The following RPAP2 variants were observed in gnomAD, a reference collection of about 807,000 sequenced individuals.
The protein encoded by RPAP2 is putative RNA polymerase II subunit B1 CTD phosphatase RPAP2.
In RPAP2, 52 loss-of-function variants were observed where a neutral mutation model predicts 73.1. The observed-to-expected ratio is 0.71, with a 90% CI of 0.57 to 0.90. The LOEUF (loss-of-function observed/expected upper bound fraction) is 0.90. Among genes scored for constraint, RPAP2 ranks in the 40% least tolerant of loss-of-function variants. The pLI, the probability that RPAP2 is intolerant of heterozygous loss-of-function variation, is 0.00. For synonymous variants in RPAP2, 225 were observed against 242.1 expected (o/e 0.93, Z 0.65); for missense variants, 598 against 701.8 (o/e 0.85, Z 1.67).
intron 5 of RPAP2, among the ~76,000 whole-genome samples, chr1:92,306,805 A>C (rs1464759547): frequency 6.6e-6 from 1 of 152,218 alleles, no homozygotes; most frequent in Non-Finnish European, 1.5e-5. Flanking sequence ...GTCCCTAAAA[A>C]AAATAAAATT....
At chr1:92,301,691 TGA>T (rs1650869022) in intron 3 of RPAP2, 101 bp downstream of exon 3, 1 of 483,508 alleles carries the variant, frequency 2.1e-6, no homozygotes, top group East Asian at 3.5e-5. Context: ...GAATTTGTTC[TGA>T]GTCATTAGAT....
chr1:92,306,643 A>C (rs1651256576), intron 5 of RPAP2, among the ~76,000 whole-genome samples: 1 of 152,032 alleles, frequency 6.6e-6, no homozygotes, highest in East Asian at 1.9e-4. Flanking sequence ...GAGAAGATAG[A>C]GACCAGCCTG....
chr1:92,355,773 G>A (rs1557621366), intron 11 of RPAP2, among the ~76,000 whole-genome samples: 1 of 152,154 alleles, frequency 6.6e-6, no homozygotes, highest in African/African-American at 2.4e-5. Context: ...AATACTCATT[G>A]GAGTGTTTCA....
chr1:92,323,724 A>T lies in RPAP2; in HGVS notation c.804A>T (p.Val268=). Residue 268 remains valine (V), a synonymous_variant, in exon 8 of 13, where the codon GTA becomes GTT. Transcript: ENST00000610020. ...SKHKDKEQTV[V]DVTEQLGDCK... is the part of the protein sequence containing the mutation. ...ACAAAGACAAAGAACAGACAGTAGT[A>T]GATGTCACTGAGCAGTTAGGCGATT... is the stretch of plus-strand genomic sequence containing the variant. 1 of 1,614,202 alleles carries T rather than the reference A, an allele frequency of 6.2e-7. No individual in the cohort carries two copies. Among genetic ancestry groups the T allele is most frequent in the Non-Finnish European group, 8.5e-7 (1 of 1,180,014 alleles).
intron 8 of RPAP2, among the ~76,000 whole-genome samples, chr1:92,332,716 G>T (rs1215062737): frequency 6.6e-6 from 1 of 152,042 alleles, no homozygotes; most frequent in African/African-American, 2.4e-5. Context: ...CCAAGTCCTG[G>T]TCTCATACTT....
chr1:92,306,329 C>G (rs1422909627), intron 5 of RPAP2, among the ~76,000 whole-genome samples: 3 of 152,054 alleles, frequency 2.0e-5, no homozygotes, highest in African/African-American at 7.3e-5. Flanking sequence ...TACCACTGTG[C>G]TATATACTTA....
rs768238914 is a variant in RPAP2, at chr1:92,398,563, A to T, written c.*11552A>T. 1 of 152,222 alleles carries T rather than the reference A, an allele frequency of 6.6e-6. No individual in the cohort carries two copies. The highest frequency in any genetic ancestry group is 1.5e-5 in the Non-Finnish European group (1 of 68,052). 9.4% of individuals were successfully genotyped at this position (152,222 alleles called of 1,614,324 possible). The stretch of plus-strand genomic sequence containing the variant: ...AGCCCTTCGTAGAAAAAGAAAAGTA[A>T]GCATTTCTAGAAGCACATTTTTGTT... On this transcript the variant is annotated 3_prime_UTR_variant, in exon 13 of 13. Coordinates refer to ENST00000610020, the MANE Select transcript of RPAP2 (RefSeq NM_024813.3).
intron 8 of RPAP2, among the ~76,000 whole-genome samples, chr1:92,325,788 AT>A (rs1035766586): frequency 2.0e-5 from 3 of 151,444 alleles, no homozygotes; most frequent in Admixed American, 6.6e-5. Context: ...TAGTTCTGTC[AT>A]TTTTTTTCCA....
At position 92,392,992 on chromosome 1, in the gene RPAP2, T is replaced by G. The variant is rs1324899608; in HGVS notation, c.*5981T>G. On this transcript the variant is annotated 3_prime_UTR_variant, in exon 13 of 13. Coordinates refer to ENST00000610020, the MANE Select transcript of RPAP2 (RefSeq NM_024813.3). ...TTGGAAAAAACTACTTTAAGATTCA[T>G]ATGGAACCAAAAAAGAGCCCACCTA... 1 of 152,166 alleles carries G rather than the reference T, an allele frequency of 6.6e-6. No homozygotes were observed. Among genetic ancestry groups the G allele is most frequent in the Non-Finnish European group, 1.5e-5 (1 of 68,028 alleles). The allele number at this position is 152,166 out of a possible 1,614,324, so 9.4% of individuals were successfully genotyped here. A position where few individuals can be genotyped will look rare whatever the true frequency, so the allele number is the denominator to read the frequency against.
At chr1:92,305,397 C>T (rs1410545414) in intron 5 of RPAP2, among the ~76,000 whole-genome samples, 3 of 116,850 alleles carry the variant, frequency 2.6e-5, no homozygotes, top group African/African-American at 1.1e-4. Flanking sequence ...CGCACCACTG[C>T]ATTCCAGCCG....
chr1:92,395,072 C>A lies in RPAP2; in HGVS notation c.*8061C>A, dbSNP rs1656151891. The A allele has an allele frequency of 6.6e-6, 1 of 152,114 alleles. No individual in the cohort carries two copies. Among genetic ancestry groups the A allele is most frequent in the Non-Finnish European group, 1.5e-5 (1 of 68,022 alleles). The allele number at this position is 152,114 out of a possible 1,614,324, so 9.4% of individuals were successfully genotyped here. On this transcript the variant is annotated 3_prime_UTR_variant, in exon 13 of 13. Transcript: ENST00000610020. The stretch of plus-strand genomic sequence containing the variant: ...TATGGAGAAAAGATGGTCTTTTCAA[C>A]AAATAGTGCTAGGATATTTGGATAT...
At chr1:92,386,588 A>G (rs1164236963) in intron 12 of RPAP2, among the ~76,000 whole-genome samples, 1 of 152,248 alleles carries the variant, frequency 6.6e-6, no homozygotes, top group Non-Finnish European at 1.5e-5. Flanking sequence ...TACTCCACCC[A>G]AACTGTTGTT....
intron 10 of RPAP2, among the ~76,000 whole-genome samples, chr1:92,345,379 TAAAAAA>T (rs57025975): frequency 1.4e-5 from 1 of 73,770 alleles, no homozygotes; most frequent in Non-Finnish European, 2.6e-5. Context: ...CCCGTTTCTT[TAAAAAA>T]AAAAAAAAAA....
At position 92,308,691 on chromosome 1, in the gene RPAP2, G is replaced by C. The variant is rs572516753; in HGVS notation, c.488+1415G>C. On this transcript the variant is annotated intron_variant, in intron 6 of 12. Coordinates refer to ENST00000610020, the MANE Select transcript of RPAP2 (RefSeq NM_024813.3). The stretch of plus-strand genomic sequence containing the variant: ...AACAAATCTTCCAGCCTGGTGTAGT[G>C]GCTCATGCCTATAATCCCAACACTT... 3.3e-5 allele frequency among the ~76,000 whole-genome samples: 5 copies of C among 152,310 alleles called. No individual in the cohort carries two copies. In the East Asian group the frequency reaches 9.6e-4, roughly 29 times the overall value.
At chr1:92,369,551 T>C (rs1056755377) in intron 11 of RPAP2, among the ~76,000 whole-genome samples, 2 of 152,124 alleles carry the variant, frequency 1.3e-5, no homozygotes, top group African/African-American at 4.8e-5. Context: ...ACAGTCTTCC[T>C]ACCTCAGCCT....
At chr1:92,363,378 G>A (rs1379974740) in intron 11 of RPAP2, among the ~76,000 whole-genome samples, 2 of 152,198 alleles carry the variant, frequency 1.3e-5, no homozygotes, top group Non-Finnish European at 2.9e-5. Context: ...CATGGCACAG[G>A]CAGATGGAAT....
intron 12 of RPAP2, among the ~76,000 whole-genome samples, chr1:92,382,793 T>C (rs1275317882): frequency 6.6e-6 from 1 of 152,108 alleles, no homozygotes; most frequent in Non-Finnish European, 1.5e-5. Flanking sequence ...TTTGTCAATT[T>C]TGGCTTTTGT....
chr1:92,301,646 G>T, intron 3 of RPAP2, 56 bp downstream of exon 3: 1 of 701,188 alleles, frequency 1.4e-6, no homozygotes, highest in Non-Finnish European at 2.3e-6. Flanking sequence ...TTAAATCTGT[G>T]CAGCATGAAA....
rs1488360923 is a variant in RPAP2, at chr1:92,304,301, T to C, written c.351T>C (p.Tyr117=). 1.0e-5 allele frequency: 15 copies of C among 1,502,936 alleles called. No individual in the cohort carries two copies. The highest frequency in any genetic ancestry group is 1.7e-4 in the Middle Eastern group (1 of 5,852). The allele number at this position is 1,502,936 out of a possible 1,614,324, so 93.1% of individuals were successfully genotyped here. ...TTCTTTAGGTACCAAAACAGAAATA[T>C]AAAATTTCTACCAAAACCAATAAAG... The part of the protein sequence containing the change: ...KKLGIVPKQK[Y]KISTKTNKVY... Residue 117 remains tyrosine, a synonymous_variant, in exon 5 of 13, where the codon TAT becomes TAC. Transcript: ENST00000610020.
Sources: allele counts gnomAD v4.1 joint callset (sites outside exome capture counted in the v4.1 genomes callset), GRCh38; gene constraint gnomAD v4.1.1; transcripts MANE v1.5; gene names NCBI Gene and HGNC (gene_info 2026-07-23, HGNC 2026-07-21).